The following ARB2A variants were observed in gnomAD, a reference collection of about 807,000 sequenced individuals.
ARB2A encodes the protein ARB2 cotranscriptional regulator A.
chr5:93,695,742 T>C, the ARB2A span, among the ~76,000 whole-genome samples: 1 of 152,156 alleles, frequency 6.6e-6, no homozygotes, highest in Non-Finnish European at 1.5e-5. Context: ...ACATGTATGT[T>C]TACTGCAGCA....
the ARB2A span, among the ~76,000 whole-genome samples, chr5:94,045,849 G>A: frequency 6.6e-6 from 1 of 151,956 alleles, no homozygotes; most frequent in East Asian, 1.9e-4. Flanking sequence ...CTACTTATTT[G>A]AGTCTTCCTA....
At chr5:93,799,046 G>C in the ARB2A span, among the ~76,000 whole-genome samples, 1 of 152,028 alleles carries the variant, frequency 6.6e-6, no homozygotes, top group Non-Finnish European at 1.5e-5. Flanking sequence ...TGGAAATGAA[G>C]GTGGAAACAT....
At chr5:93,804,821 T>C in the ARB2A span, 1 of 614,468 alleles carries the variant, frequency 1.6e-6, no homozygotes, top group Non-Finnish European at 2.0e-6. Flanking sequence ...AATCTTTTTA[T>C]GTTTAATTTT....
chr5:93,759,601 T>C, the ARB2A span, among the ~76,000 whole-genome samples: 3 of 152,034 alleles, frequency 2.0e-5, no homozygotes, highest in Non-Finnish European at 4.4e-5. Context: ...CATATGCAAG[T>C]CAATAAATGT....
chr5:94,107,347 T>C, the ARB2A span, among the ~76,000 whole-genome samples: 12 of 152,074 alleles, frequency 7.9e-5, no homozygotes, highest in Non-Finnish European at 2.9e-5. Context: ...TGCCATCTCA[T>C]CTGCAGTAAA....
the ARB2A span, among the ~76,000 whole-genome samples, chr5:93,954,260 T>C: frequency 2.6e-4 from 39 of 152,136 alleles, no homozygotes; most frequent in African/African-American, 7.2e-4. Context: ...CACATCTCAG[T>C]CTCACCCAAG....
the ARB2A span, among the ~76,000 whole-genome samples, chr5:93,925,733 G>A: frequency 6.6e-6 from 1 of 152,108 alleles, no homozygotes; most frequent in African/African-American, 2.4e-5. Context: ...TTATCCATGG[G>A]GAGATATGTT....
chr5:93,812,773 G>T, the ARB2A span, among the ~76,000 whole-genome samples: 4 of 152,114 alleles, frequency 2.6e-5, no homozygotes, highest in African/African-American at 9.7e-5. Context: ...TTATAAAATT[G>T]TCACTAAAAT....
At chr5:93,759,936 G>A in the ARB2A span, among the ~76,000 whole-genome samples, 2,275 of 152,208 alleles carry the variant, frequency 0.015, 23 homozygotes, top group Non-Finnish European at 0.023. Context: ...CATCCAAATC[G>A]GTAAAGAGGA....
At chr5:93,720,104 A>G in the ARB2A span, among the ~76,000 whole-genome samples, 2 of 152,204 alleles carry the variant, frequency 1.3e-5, no homozygotes, top group African/African-American at 4.8e-5. Flanking sequence ...GTCAACAGCT[A>G]TCGCTTAATC....
At chr5:93,902,597 A>G in the ARB2A span, among the ~76,000 whole-genome samples, 1 of 152,158 alleles carries the variant, frequency 6.6e-6, no homozygotes, top group Non-Finnish European at 1.5e-5. Context: ...TTTGAAATCT[A>G]AATATATTCT....
chr5:93,962,164 C>A, the ARB2A span, among the ~76,000 whole-genome samples: 1 of 152,066 alleles, frequency 6.6e-6, no homozygotes, highest in Non-Finnish European at 1.5e-5. Flanking sequence ...TCCAGCGAAC[C>A]ACCTCACTTT....
the ARB2A span, among the ~76,000 whole-genome samples, chr5:93,771,588 T>C: frequency 3.3e-5 from 5 of 152,212 alleles, no homozygotes; most frequent in South Asian, 1.0e-3. Context: ...GAATCTATAA[T>C]GAACTCAAAC....
chr5:94,012,463 TTG>T, the ARB2A span, among the ~76,000 whole-genome samples: 4 of 152,172 alleles, frequency 2.6e-5, no homozygotes, highest in South Asian at 8.3e-4. Flanking sequence ...CAGGAGCATT[TTG>T]TGTTTCTTCT....
At chr5:93,910,966 AAG>A in the ARB2A span, 5 of 151,546 alleles carry the variant, frequency 3.3e-5, no homozygotes, top group African/African-American at 1.2e-4. Flanking sequence ...TCACATTCAG[AAG>A]AGAGTCATCA....
chr5:93,768,475 A>G, the ARB2A span, among the ~76,000 whole-genome samples: 17 of 150,218 alleles, frequency 1.1e-4, no homozygotes, highest in African/African-American at 3.9e-4. Context: ...ATATATATAT[A>G]TATATGTATA....
At chr5:93,663,621 G>A in the ARB2A span, among the ~76,000 whole-genome samples, 1 of 152,086 alleles carries the variant, frequency 6.6e-6, no homozygotes, top group African/African-American at 2.4e-5. Context: ...GGGCATGTAC[G>A]ACGATGGAAT....
chr5:93,830,311 GTATATATATATA>G, the ARB2A span, among the ~76,000 whole-genome samples: 348 of 82,280 alleles, frequency 4.2e-3, 14 homozygotes, highest in African/African-American at 0.016. Flanking sequence ...GTGTGTGTGT[GTATATATATATA>G]TATATATATA....
At chr5:93,795,324 G>T in the ARB2A span, among the ~76,000 whole-genome samples, 1 of 151,964 alleles carries the variant, frequency 6.6e-6, no homozygotes, top group African/African-American at 2.4e-5. Flanking sequence ...CAACAGCACC[G>T]AGTCTATTTC....
Sources: gnomAD v4.1 joint callset for allele counts (sites outside exome capture counted in the v4.1 genomes callset) on GRCh38, gnomAD v4.1.1 for gene constraint, MANE v1.5 for transcripts, NCBI Gene and HGNC (gene_info 2026-07-23, HGNC 2026-07-21) for gene names.